Variants in NSD1 observed in about 807,000 individuals in gnomAD.
NSD1 encodes histone-lysine N-methyltransferase, H3 lysine-36 specific.
In NSD1, 26 loss-of-function variants were observed where a neutral mutation model predicts 242.7. The ratio of observed to expected loss-of-function variants is 0.11; its 90% CI spans 0.08 to 0.15. The LOEUF (loss-of-function observed/expected upper bound fraction) is 0.15. Among genes scored for constraint, NSD1 ranks in the 10% least tolerant of loss-of-function variants. The pLI is 1.00. For missense variants in NSD1, 2,495 were observed against 3,272.8 expected, an observed-to-expected ratio of 0.76 and a Z score of 5.80; for synonymous variants, 1,106 against 1,178.1, an observed-to-expected ratio of 0.94 and a Z score of 1.25.
chr5:177,141,750 C>T (rs1333519554), intron 2 of NSD1, among the ~76,000 whole-genome samples: 2 of 152,188 alleles, frequency 1.3e-5, no homozygotes, highest in Non-Finnish European at 2.9e-5. Flanking sequence ...CTCTTCTGAA[C>T]TGACTTCAAA....
At chr5:177,174,147 A>G (rs1347138750) in intron 2 of NSD1, among the ~76,000 whole-genome samples, 1 of 151,982 alleles carries the variant, frequency 6.6e-6, no homozygotes, top group Admixed American at 6.5e-5. Context: ...CGGGTGGATC[A>G]CGAGGTCAAG....
chr5:177,166,760 T>TC (rs34246836), intron 2 of NSD1, among the ~76,000 whole-genome samples: 1 of 150,866 alleles, frequency 6.6e-6, no homozygotes, highest in Non-Finnish European at 1.5e-5. Flanking sequence ...TTTTTTTTTT[T>TC]CCCTGAGATG....
chr5:177,250,165 T>C (rs1755821059), intron 11 of NSD1, among the ~76,000 whole-genome samples: 1 of 152,234 alleles, frequency 6.6e-6, no homozygotes, highest in African/African-American at 2.4e-5. Context: ...GTGGCCAATA[T>C]AATTTCAATC....
chr5:177,140,256 T>C (rs1412225875), intron 2 of NSD1, among the ~76,000 whole-genome samples: 1 of 152,208 alleles, frequency 6.6e-6, no homozygotes, highest in Non-Finnish European at 1.5e-5. Flanking sequence ...GCTTTGTTGT[T>C]GTTGTTGAGA....
At chr5:177,152,382 T>A (rs976452265) in intron 2 of NSD1, among the ~76,000 whole-genome samples, 2 of 151,906 alleles carry the variant, frequency 1.3e-5, no homozygotes, top group Non-Finnish European at 2.9e-5. Context: ...TTTATATTTA[T>A]TTTTTTGGAA....
chr5:177,185,689 G>A (rs1254181700), intron 2 of NSD1, among the ~76,000 whole-genome samples: 2 of 111,142 alleles, frequency 1.8e-5, no homozygotes, highest in African/African-American at 3.5e-5. Context: ...ATATATATTT[G>A]TTTTTTATTA....
At chr5:177,204,488 GTAT>G (rs1562197523) in intron 4 of NSD1, among the ~76,000 whole-genome samples, 196 bp downstream of exon 4, 1 of 152,146 alleles carries the variant, frequency 6.6e-6, no homozygotes, top group African/African-American at 2.4e-5. Context: ...TGAGTAGCTG[GTAT>G]TATAAGCGAG....
Position 177,294,753 on chromosome 5 carries a change from C to G in NSD1, c.7385C>G (p.Thr2462Ser). The G allele has an allele frequency of 3.1e-6, 5 of 1,614,222 alleles. No homozygotes were observed. Among genetic ancestry groups the G allele is most frequent in the Non-Finnish European group, 4.2e-6 (5 of 1,180,046 alleles). Residue 2462 changes from threonine to serine, a missense_variant, in exon 23 of 23, where the codon ACT becomes AGT. Thr to Ser is a moderately conservative substitution (Grantham distance 58, BLOSUM62 1). This residue lies in a region of NSD1 where 475 missense variants were observed against 563.7 expected (regional missense o/e 0.84). Transcript: ENST00000439151. ...AALVMDLIDL[T>S]PRQKERAASP... is the part of the protein sequence containing the mutation. ...TTGGTGATGGATCTCATAGACCTAA[C>G]TCCTCGCCAGAAGGAGCGGGCAGCT...
chr5:177,300,164 T>C lies in NSD1; in HGVS notation c.*4705T>C, dbSNP rs1760528406. 4.4e-6 allele frequency: 1 copy of C among 228,292 alleles called. No homozygotes were observed. The highest frequency in any genetic ancestry group is 8.7e-6 in the Non-Finnish European group (1 of 115,188). 14.1% of individuals were successfully genotyped at this position (228,292 alleles called of 1,614,324 possible). On this transcript the variant is annotated 3_prime_UTR_variant, in exon 23 of 23. Coordinates refer to ENST00000439151, the MANE Select transcript of NSD1 (RefSeq NM_022455.5). ...CCCATAAACATGTACTGTAATTCTTTGTATATAGAAAAAAAATTTACTGTA... is the reference window on the plus strand; with the variant it reads ...CCCATAAACATGTACTGTAATTCTTCGTATATAGAAAAAAAATTTACTGTA...
At chr5:177,246,837 G>A (rs1766337530) in intron 10 of NSD1, 41 bp downstream of exon 10, 2 of 1,448,322 alleles carry the variant, frequency 1.4e-6, no homozygotes, top group African/African-American at 2.8e-5. Flanking sequence ...CTAAAGAGAA[G>A]CTACTTTTCA....
chr5:177,158,638 G>A (rs188749512), intron 2 of NSD1, among the ~76,000 whole-genome samples: 2 of 151,750 alleles, frequency 1.3e-5, no homozygotes, highest in Admixed American at 6.6e-5. Context: ...GCATCCGGGC[G>A]TGGGTTCTAA....
intron 2 of NSD1, among the ~76,000 whole-genome samples, chr5:177,162,585 T>C (rs1758850038): frequency 6.6e-6 from 1 of 152,154 alleles, no homozygotes; most frequent in African/African-American, 2.4e-5. Context: ...TTTCGCCCTA[T>C]TGGCTAGGCT....
intron 13 of NSD1, among the ~76,000 whole-genome samples, chr5:177,258,925 C>G (rs1183566212): frequency 2.0e-5 from 3 of 152,190 alleles, no homozygotes; most frequent in Non-Finnish European, 4.4e-5. Context: ...ATGTCCACCT[C>G]CCAGGTTCAA....
At chr5:177,199,012 T>TTG (rs1762310160) in intron 3 of NSD1, among the ~76,000 whole-genome samples, 1 of 152,200 alleles carries the variant, frequency 6.6e-6, no homozygotes. Context: ...GGTCCCCAAT[T>TTG]TGAGTTAGAA....
At chr5:177,148,000 A>G (rs1184117274) in intron 2 of NSD1, among the ~76,000 whole-genome samples, 3 of 152,156 alleles carry the variant, frequency 2.0e-5, no homozygotes, top group Admixed American at 6.6e-5. Context: ...GCTTTTGGTA[A>G]TTAAGGTAAA....
intron 14 of NSD1, among the ~76,000 whole-genome samples, chr5:177,260,911 GT>G (rs1562270509): frequency 6.6e-6 from 1 of 152,160 alleles, no homozygotes; most frequent in East Asian, 1.9e-4. Context: ...ATGTAATTGT[GT>G]TTTGTTAACA....
chr5:177,279,131 G>T lies in NSD1; in HGVS notation c.5623-1434G>T, dbSNP rs76617700. On this transcript the variant is annotated intron_variant, in intron 17 of 22. Coordinates refer to ENST00000439151, the MANE Select transcript of NSD1 (RefSeq NM_022455.5). The stretch of plus-strand genomic sequence containing the variant: ...ACTACTTGTGAGGCTGATGCAGGAA[G>T]CATAGAGGAACTCAAATTACACACA... Among the ~76,000 whole-genome samples, 659 of 152,314 alleles carry T rather than the reference G, an allele frequency of 4.3e-3. 5 individuals carry two copies. Among genetic ancestry groups the T allele is most frequent in the African/African-American group, 0.015 (639 of 41,566 alleles).
chr5:177,191,125 C>T (rs1189685502), intron 2 of NSD1, among the ~76,000 whole-genome samples: 1 of 151,958 alleles, frequency 6.6e-6, no homozygotes. Context: ...TGCCCGCTAA[C>T]ACCCCCGGCT....
chr5:177,282,334 G>A (rs2127260013), intron 18 of NSD1, 131 bp from the exon 19 acceptor site: 2 of 763,308 alleles, frequency 2.6e-6, no homozygotes. Context: ...GTAATTATGT[G>A]TGCCTAAAAT....
Sources: gnomAD v4.1 joint callset for allele counts (sites outside exome capture counted in the v4.1 genomes callset) on GRCh38, gnomAD v4.1.1 for gene constraint, gnomAD v4.1.1 regional missense constraint, MANE v1.5 for transcripts, NCBI Gene and HGNC (gene_info 2026-07-23, HGNC 2026-07-21) for gene names.